The following FAM184A variants were observed in gnomAD, a reference collection of about 807,000 sequenced individuals.
The protein encoded by FAM184A is protein FAM184A.
Under a neutral mutation model 143.8 loss-of-function variants are expected in FAM184A, and 99 were observed. That is an observed-to-expected ratio of 0.69 (90% confidence interval 0.58 to 0.81). The LOEUF is 0.81. Among genes scored for constraint, FAM184A ranks in the 40% least tolerant of loss-of-function variants. The pLI is 0.00. For synonymous variants in FAM184A, 427 were observed against 446.4 expected, an observed-to-expected ratio of 0.96 and a Z score of 0.55; for missense variants, 1,217 against 1,310.5, an observed-to-expected ratio of 0.93 and a Z score of 1.10.
chr6:119,127,849 T>C (rs948669013), intron 1 of FAM184A, among the ~76,000 whole-genome samples: 3 of 152,234 alleles, frequency 2.0e-5, no homozygotes, highest in African/African-American at 7.2e-5. Flanking sequence ...CATTCATTCA[T>C]TCATTCAACA....
chr6:119,024,598 A>G lies in FAM184A; in HGVS notation c.375T>C (p.Ala125=), dbSNP rs765453228. Residue 125 remains alanine, a synonymous_variant, in exon 2 of 18, where the codon GCT becomes GCC. Transcript: ENST00000338891. The stretch of plus-strand genomic sequence containing the variant: ...GCTTATAAGCTTCAAATTCTGTCAA[A>G]GCCTGCTGCTTCATTTTTATGTGAT... ...LEDHIKMKQQ[A]LTEFEAYKHR... is the part of the protein sequence containing the mutation. 6.2e-7 allele frequency: 1 copy of G among 1,614,180 alleles called. No homozygotes were observed. The highest frequency in any genetic ancestry group is 1.1e-5 in the South Asian group (1 of 91,080).
chr6:118,994,921 T>G (rs2114620868), intron 9 of FAM184A, among the ~76,000 whole-genome samples: 1 of 152,292 alleles, frequency 6.6e-6, no homozygotes, highest in East Asian at 1.9e-4. Context: ...TACAAGATAT[T>G]ACACATGCAT....
At chr6:119,058,171 CTCTCTTTTTTTT>C (rs1206599809) in intron 1 of FAM184A, among the ~76,000 whole-genome samples, 40 of 140,558 alleles carry the variant, frequency 2.8e-4, no homozygotes, top group African/African-American at 1.1e-3. Flanking sequence ...AATTCTCCTT[CTCTCTTTTTTTT>C]TTTTTTTTTT....
intron 1 of FAM184A, among the ~76,000 whole-genome samples, chr6:119,045,825 G>C (rs1582549377): frequency 6.6e-6 from 1 of 152,170 alleles, no homozygotes; most frequent in South Asian, 2.1e-4. Flanking sequence ...CAAAAATCTG[G>C]ATTAGGGAAG....
At chr6:119,019,921 T>G (rs866989741) in intron 4 of FAM184A, 57 bp downstream of exon 4, 4 of 1,406,442 alleles carry the variant, frequency 2.8e-6, no homozygotes, top group Middle Eastern at 1.9e-4. Flanking sequence ...ACTTCAAATG[T>G]GAAAAAGAGA....
At chr6:119,136,284 CAA>C (rs11454485) in intron 1 of FAM184A, among the ~76,000 whole-genome samples, 2 of 65,896 alleles carry the variant, frequency 3.0e-5, no homozygotes, top group South Asian at 6.1e-4. Context: ...GACTCCGTCT[CAA>C]AAAAAAAAAA....
In FAM184A at chr6:118,977,701, T is replaced by G. The variant is rs187402767; in HGVS notation, c.2456-1657A>C. On this transcript the variant is annotated intron_variant, in intron 11 of 17. Transcript: ENST00000338891. ...GCCAGGTGTTATAGGAGGGGAGGAC[T>G]GGGAATATAGGTGTGGCAATAAATG... Among the ~76,000 whole-genome samples the G allele has an allele frequency of 9.3e-4, 142 of 152,242 alleles. 2 individuals carry two copies. Among genetic ancestry groups the G allele is most frequent in the South Asian group, 5.6e-3 (27 of 4,824 alleles).
At chr6:119,099,223 C>T (rs1202438776) in intron 1 of FAM184A, among the ~76,000 whole-genome samples, 1 of 152,128 alleles carries the variant, frequency 6.6e-6, no homozygotes, top group Non-Finnish European at 1.5e-5. Flanking sequence ...TGCATCTCTT[C>T]ATCGTATCCT....
intron 1 of FAM184A, among the ~76,000 whole-genome samples, chr6:119,025,922 T>C (rs1167308088): frequency 6.6e-6 from 1 of 152,204 alleles, no homozygotes; most frequent in Non-Finnish European, 1.5e-5. Flanking sequence ...AAATTATTCA[T>C]GCAGCCTGAG....
In FAM184A at chr6:119,103,655, C is replaced by A. The variant is rs573083101; in HGVS notation, c.-202+45423G>T. 1.1e-4 allele frequency among the ~76,000 whole-genome samples: 10 copies of A among 87,674 alleles called. No homozygotes were observed. In the East Asian group the frequency reaches 0.02, roughly 176 times the overall value. The allele number at this position is 87,674 out of a possible 152,430, so 57.5% of individuals were successfully genotyped here. ...AAAAAGAGAGAGAGGAGGCCAGGCACGGTGGCTCAAGCCTGTAATCCTAGC... is the reference window on the plus strand; with the variant it reads ...AAAAAGAGAGAGAGGAGGCCAGGCAAGGTGGCTCAAGCCTGTAATCCTAGC... On this transcript the variant is annotated intron_variant, in intron 1 of 16. Transcript: ENST00000352896.
intron 1 of FAM184A, among the ~76,000 whole-genome samples, chr6:119,060,716 C>A (rs963688599): frequency 6.6e-5 from 10 of 152,120 alleles, no homozygotes; most frequent in African/African-American, 2.4e-4. Flanking sequence ...CACCATCCCC[C>A]TCTTGGTACT....
Position 118,961,870 on chromosome 6 carries a change from G to T in FAM184A, c.3232C>A (p.Pro1078Thr). 1.2e-6 allele frequency: 2 copies of T among 1,613,928 alleles called. No homozygotes were observed. Among genetic ancestry groups the T allele is most frequent in the Non-Finnish European group, 1.7e-6 (2 of 1,179,880 alleles). Residue 1078 changes from proline to threonine, a missense_variant, in exon 17 of 18, where the codon CCT becomes ACT. Coordinates refer to ENST00000338891, the MANE Select transcript of FAM184A (RefSeq NM_024581.6). Reference protein sequence around the residue: ...LESGGVGNGHPNRLDPIPNSP... With the variant: ...LESGGVGNGHTNRLDPIPNSP... Reference sequence around the variant, plus strand: ...TTAGGAATGGGATCCAGGCGGTTAGGATGTCCATTGCCCACTCCACCAGAT... The same window carrying T: ...TTAGGAATGGGATCCAGGCGGTTAGTATGTCCATTGCCCACTCCACCAGAT...
chr6:118,981,418 A>G (rs1784017820), intron 9 of FAM184A, among the ~76,000 whole-genome samples: 2 of 152,198 alleles, frequency 1.3e-5, no homozygotes, highest in Admixed American at 1.3e-4. Context: ...ATATACTGGT[A>G]AAACAGTTTC....
intron 16 of FAM184A, 65 bp from the exon 17 acceptor site, chr6:118,962,028 G>A (rs774413393): frequency 6.6e-7 from 1 of 1,506,770 alleles, no homozygotes; most frequent in Admixed American, 1.8e-5. Flanking sequence ...AATAGGAATG[G>A]TAGAAGATAG....
chr6:118,994,722 TAAATAAATAAATAAAA>T (rs1297165962), intron 9 of FAM184A, among the ~76,000 whole-genome samples: 11 of 142,916 alleles, frequency 7.7e-5, no homozygotes, highest in South Asian at 4.2e-4. Flanking sequence ...AATAAATAAA[TAAATAAATAAATAAAA>T]AGCCAGAGGG....
chr6:119,067,957 G>C (rs532850038), intron 1 of FAM184A, among the ~76,000 whole-genome samples: 1 of 151,680 alleles, frequency 6.6e-6, no homozygotes, highest in East Asian at 1.9e-4. Flanking sequence ...GGGCAACATA[G>C]CCAGACTCTA....
At chr6:118,979,548 C>A (rs747755579) in intron 10 of FAM184A, 30 bp from the exon 11 acceptor site, 2 of 1,540,822 alleles carry the variant, frequency 1.3e-6, no homozygotes, top group Non-Finnish European at 1.8e-6. Flanking sequence ...AATTATTATG[C>A]TAGAATATAG....
chr6:119,124,693 G>A (rs556792038), intron 1 of FAM184A, among the ~76,000 whole-genome samples: 3 of 151,994 alleles, frequency 2.0e-5, no homozygotes, highest in South Asian at 2.1e-4. Flanking sequence ...CTAATAAAAC[G>A]TGAAAAGACA....
At chr6:119,052,705 G>C (rs182119716) in intron 1 of FAM184A, among the ~76,000 whole-genome samples, 1 of 152,276 alleles carries the variant, frequency 6.6e-6, no homozygotes, top group East Asian at 1.9e-4. Context: ...TTCACCAAAT[G>C]AATCAACAAC....
Sources: allele counts gnomAD v4.1 joint callset (sites outside exome capture counted in the v4.1 genomes callset), GRCh38; gene constraint gnomAD v4.1.1; transcripts MANE v1.5; gene names NCBI Gene and HGNC (gene_info 2026-07-23, HGNC 2026-07-21).